The following PRKCB variants were observed in gnomAD, a reference collection of about 807,000 sequenced individuals.
PRKCB encodes the protein protein kinase C beta type.
A neutral mutation model predicts 81.5 loss-of-function variants in PRKCB; 13 were observed. The ratio of observed to expected loss-of-function variants is 0.16; its 90% CI spans 0.10 to 0.25. PRKCB has a LOEUF of 0.25. Among genes scored for constraint, PRKCB ranks in the 10% least tolerant of loss-of-function variants. PRKCB has a pLI of 1.00. For synonymous variants in PRKCB, 335 were observed against 321.4 expected (o/e 1.04, Z -0.45); for missense variants, 509 against 875.7 (o/e 0.58, Z 5.29).
chr16:24,172,182 A>C (rs1318559409), intron 10 of PRKCB, 88 bp from the exon 11 acceptor site: 4 of 930,012 alleles, frequency 4.3e-6, no homozygotes, highest in Non-Finnish European at 6.9e-6. Flanking sequence ...GGTAGTTTTC[A>C]TCATAAATTC....
intron 10 of PRKCB, among the ~76,000 whole-genome samples, chr16:24,165,343 A>G (rs1967325852): frequency 6.6e-6 from 1 of 152,204 alleles, no homozygotes. Flanking sequence ...GTGCCCAGCC[A>G]CATTCTATTT....
chr16:24,220,321 T>C lies in PRKCB; in HGVS notation c.*5505T>C. ...AGTTTAGAATAAGCGCATTATCCAATTATAGAGGTACAATTTTCCAAACTT... is the reference window on the plus strand; with the variant it reads ...AGTTTAGAATAAGCGCATTATCCAACTATAGAGGTACAATTTTCCAAACTT... On this transcript the variant is annotated 3_prime_UTR_variant, in exon 17 of 17. Transcript: ENST00000643927. 2.0e-6 allele frequency: 1 copy of C among 505,394 alleles called. No homozygotes were observed. Among genetic ancestry groups the C allele is most frequent in the Non-Finnish European group, 3.3e-6 (1 of 305,552 alleles). 31.3% of individuals were successfully genotyped at this position (505,394 alleles called of 1,614,324 possible).
At chr16:24,083,354 A>G (rs1212717804) in intron 5 of PRKCB, among the ~76,000 whole-genome samples, 1 of 152,252 alleles carries the variant, frequency 6.6e-6, no homozygotes, top group Non-Finnish European at 1.5e-5. Flanking sequence ...ATCTTAAAGA[A>G]GTGAAACTTT....
intron 5 of PRKCB, among the ~76,000 whole-genome samples, chr16:24,053,642 C>G (rs1965868716): frequency 6.6e-6 from 1 of 152,176 alleles, no homozygotes; most frequent in South Asian, 2.1e-4. Flanking sequence ...GGCAAGCAGG[C>G]AGTCACTGAG....
intron 5 of PRKCB, among the ~76,000 whole-genome samples, chr16:24,036,190 T>C (rs1057116092): frequency 7.3e-5 from 11 of 151,572 alleles, no homozygotes; most frequent in African/African-American, 2.2e-4. Context: ...TCCTGGGAGA[T>C]GCAGTGAGAG....
At chr16:24,136,138 G>A (rs193289355) in intron 9 of PRKCB, among the ~76,000 whole-genome samples, 1 of 144,744 alleles carries the variant, frequency 6.9e-6, no homozygotes, top group East Asian at 2.0e-4. Flanking sequence ...CCAGATCCTC[G>A]TGAGGCCCTT....
intron 7 of PRKCB, among the ~76,000 whole-genome samples, chr16:24,104,052 G>A (rs1332208681): frequency 6.6e-6 from 1 of 152,048 alleles, no homozygotes; most frequent in East Asian, 1.9e-4. Context: ...TGATCCGCCC[G>A]CCTCGGCCTC....
chr16:24,149,145 T>A (rs1408186148), intron 9 of PRKCB, among the ~76,000 whole-genome samples: 1 of 152,144 alleles, frequency 6.6e-6, no homozygotes. Context: ...GCATTGTGTC[T>A]TGGGGTAGAA....
chr16:23,978,416 C>A (rs1044277516), intron 2 of PRKCB, among the ~76,000 whole-genome samples: 2 of 152,302 alleles, frequency 1.3e-5, no homozygotes, highest in South Asian at 2.1e-4. Flanking sequence ...GTCTGTCCTG[C>A]AGGGATGCTG....
At chr16:24,069,403 T>G (rs1292818258) in intron 5 of PRKCB, among the ~76,000 whole-genome samples, 1 of 152,192 alleles carries the variant, frequency 6.6e-6, no homozygotes, top group Non-Finnish European at 1.5e-5. Flanking sequence ...CGGAAGAGGC[T>G]GAGCACTGGG....
chr16:23,945,582 G>T (rs1322929726), intron 2 of PRKCB, among the ~76,000 whole-genome samples: 7 of 152,060 alleles, frequency 4.6e-5, no homozygotes, highest in Admixed American at 4.6e-4. Context: ...TGGAGGTGCT[G>T]AGTGACCTCT....
At chr16:24,047,487 C>T (rs751991431) in intron 5 of PRKCB, among the ~76,000 whole-genome samples, 9 of 151,572 alleles carry the variant, frequency 5.9e-5, no homozygotes, top group Admixed American at 4.6e-4. Flanking sequence ...GCTATGATCT[C>T]GCTACTGCAC....
At chr16:23,857,214 C>A (rs749373853) in intron 2 of PRKCB, among the ~76,000 whole-genome samples, 1 of 152,174 alleles carries the variant, frequency 6.6e-6, no homozygotes, top group Non-Finnish European at 1.5e-5. Flanking sequence ...AACTGCCTGG[C>A]CTGACCTGTC....
At chr16:23,950,593 G>A (rs1321579992) in intron 2 of PRKCB, among the ~76,000 whole-genome samples, 3 of 152,156 alleles carry the variant, frequency 2.0e-5, no homozygotes, top group African/African-American at 7.2e-5. Flanking sequence ...TAGGGATAAG[G>A]TACCTGAGGT....
chr16:24,210,158 T>A (rs979293274), intron 16 of PRKCB, among the ~76,000 whole-genome samples: 1 of 152,076 alleles, frequency 6.6e-6, no homozygotes, highest in Non-Finnish European at 1.5e-5. Context: ...CGTCATCATA[T>A]CATTCAGGGC....
chr16:24,156,813 A>G (rs1967167611), intron 10 of PRKCB, among the ~76,000 whole-genome samples: 1 of 152,078 alleles, frequency 6.6e-6, no homozygotes. Flanking sequence ...CTACTCCCTT[A>G]CCTTCTCCCT....
At chr16:23,854,140 G>A (rs541731366) in intron 2 of PRKCB, among the ~76,000 whole-genome samples, 20 of 151,658 alleles carry the variant, frequency 1.3e-4, no homozygotes, top group African/African-American at 4.8e-4. Flanking sequence ...TGGGGATTAT[G>A]AGAGCTACAA....
At chr16:24,141,803 A>G (rs1290319820) in intron 9 of PRKCB, among the ~76,000 whole-genome samples, 1 of 152,190 alleles carries the variant, frequency 6.6e-6, no homozygotes. Context: ...CTCTAAGCAC[A>G]GACAGTATGA....
intron 15 of PRKCB, among the ~76,000 whole-genome samples, chr16:24,188,548 T>C (rs576591306): frequency 6.6e-6 from 1 of 152,212 alleles, no homozygotes; most frequent in South Asian, 2.1e-4. Flanking sequence ...ATTGAAGCAG[T>C]GTCCTTTATA....
Sources: allele counts gnomAD v4.1 joint callset (sites outside exome capture counted in the v4.1 genomes callset), GRCh38; gene constraint gnomAD v4.1.1; transcripts MANE v1.5; gene names NCBI Gene and HGNC (gene_info 2026-07-23, HGNC 2026-07-21).